TAF8: variants seen among roughly 807,000 people sequenced by gnomAD.
TAF8 encodes the protein transcription initiation factor TFIID subunit 8.
In TAF8, 47 loss-of-function variants were observed where a neutral mutation model predicts 36.5. That is an observed-to-expected ratio of 1.29 (90% CI 1.02 to 1.64). The LOEUF is 1.64. Ranked by LOEUF, TAF8 falls within the 40% of genes most tolerant of loss-of-function variation. TAF8 has a pLI of 0.00. For synonymous variants in TAF8, 175 were observed against 159.5 expected (o/e 1.10, Z -0.73); for missense variants, 420 against 407.6 (o/e 1.03, Z -0.26).
intron 5 of TAF8, among the ~76,000 whole-genome samples, chr6:42,065,978 G>A (rs1261198488): frequency 6.6e-6 from 1 of 152,108 alleles, no homozygotes; most frequent in East Asian, 1.9e-4. Flanking sequence ...TCGGCTCACT[G>A]CAACCTCCGC....
rs562827157 is a variant in TAF8 at position 42,079,993 on chromosome 6, A to G, written c.*2448A>G. ...TGTCAGGAACGGAAGAGGGGACGCT[A>G]GTAAAAAAAAAAAAATTGGATTCCC... On this transcript the variant is annotated 3_prime_UTR_variant, in exon 9 of 9. Coordinates refer to ENST00000372977, the MANE Select transcript of TAF8 (RefSeq NM_138572.3). The G allele has an allele frequency of 2.2e-6, 2 of 909,166 alleles. No individual in the cohort carries two copies. The highest frequency in any genetic ancestry group is 2.2e-4 in the Admixed American group (2 of 9,234). The allele number at this position is 909,166 out of a possible 1,614,324, so 56.3% of individuals were successfully genotyped here. A position where few individuals can be genotyped will look rare whatever the true frequency, so the allele number is the denominator to read the frequency against.
intron 7 of TAF8, among the ~76,000 whole-genome samples, chr6:42,072,131 G>A (rs1765599791): frequency 6.6e-6 from 1 of 152,210 alleles, no homozygotes; most frequent in Non-Finnish European, 1.5e-5. Context: ...TCAAGGGACA[G>A]GGGGAGCGTG....
At chr6:42,055,840 G>T (rs73733086) in intron 3 of TAF8, 112 bp from the exon 4 acceptor site, 9 of 826,926 alleles carry the variant, frequency 1.1e-5, no homozygotes, top group African/African-American at 1.7e-5. Flanking sequence ...CTTTTGCGTG[G>T]CTGCAAGGTC....
intron 6 of TAF8, among the ~76,000 whole-genome samples, chr6:42,067,675 C>T (rs1028788252): frequency 1.3e-5 from 2 of 152,124 alleles, no homozygotes; most frequent in African/African-American, 4.8e-5. Flanking sequence ...TCAAATGAGT[C>T]TCCCACCTCA....
chr6:42,050,716 T>G (rs1764739389), intron 1 of TAF8, 130 bp downstream of exon 1: 5 of 1,224,318 alleles, frequency 4.1e-6, no homozygotes, highest in Non-Finnish European at 3.3e-6. Context: ...GAGGGTGTTT[T>G]CAGGCCGTAG....
intron 6 of TAF8, among the ~76,000 whole-genome samples, chr6:42,068,049 G>A (rs1408452574): frequency 6.6e-6 from 1 of 152,164 alleles, no homozygotes; most frequent in Non-Finnish European, 1.5e-5. Flanking sequence ...TTCCTGCTCT[G>A]GAAGTGAAGC....
rs1765880674 is a variant in TAF8, at chr6:42,080,227, CAG to C, written c.*2683_*2684del. On this transcript the variant is annotated 3_prime_UTR_variant, in exon 9 of 9. Coordinates refer to ENST00000372977, the MANE Select transcript of TAF8 (RefSeq NM_138572.3). ...TGCTCTTGGGAGGTGTTGTCCCAGT[CAG>C]TGTTTCTGCAGCTTCCATTTGTTGT... 2 of 985,544 alleles carry C rather than the reference CAG, an allele frequency of 2.0e-6. No homozygotes were observed. Among genetic ancestry groups the C allele is most frequent in the Middle Eastern group, 5.2e-4 (1 of 1,914 alleles). 61.0% of individuals were successfully genotyped at this position (985,544 alleles called of 1,614,324 possible). A position where few individuals can be genotyped will look rare whatever the true frequency, so the allele number is the denominator to read the frequency against.
At chr6:42,050,968 G>A (rs1764756515) in intron 1 of TAF8, 8 of 1,098,284 alleles carry the variant, frequency 7.3e-6, no homozygotes, top group Non-Finnish European at 8.9e-6. Context: ...TCTTGTTACT[G>A]TTTTCATTTT....
Position 42,055,550 on chromosome 6 carries a change from A to G in TAF8, c.222A>G (p.Arg74=). Residue 74 remains arginine, a synonymous_variant, in exon 3 of 9, where the codon AGA becomes AGG. Transcript: ENST00000372977. The part of the protein sequence containing the change: ...MLQSYISEIG[R]SAKSYCEHTA... ...TCTTAGACATTTCAGAAATTGGGAG[A>G]AGTGCCAAGTCTTACTGTGAGCACA... The G allele has an allele frequency of 6.2e-7, 1 of 1,614,046 alleles. No individual in the cohort carries two copies. Among genetic ancestry groups the G allele is most frequent in the Non-Finnish European group, 8.5e-7 (1 of 1,179,876 alleles).
chr6:42,051,229 C>G (rs1379904269), intron 1 of TAF8, 128 bp from the exon 2 acceptor site: 3 of 1,313,876 alleles, frequency 2.3e-6, no homozygotes, highest in East Asian at 2.5e-5. Flanking sequence ...ATCTGTAAAT[C>G]TAAACATTAA....
rs1765954919 is a variant in TAF8, at chr6:42,082,569, C to T, written c.*5024C>T. ...GGCCAGGTTGGTCTCCAACTCCTGA[C>T]CTCAAGTGATCCGCCCACCTCAGCC... On this transcript the variant is annotated 3_prime_UTR_variant, in exon 9 of 9. Coordinates refer to ENST00000372977, the MANE Select transcript of TAF8 (RefSeq NM_138572.3). The T allele has an allele frequency of 6.6e-6, 1 of 152,246 alleles. No individual in the cohort carries two copies. The highest frequency in any genetic ancestry group is 1.5e-5 in the Non-Finnish European group (1 of 68,086). 9.4% of individuals were successfully genotyped at this position (152,246 alleles called of 1,614,324 possible).
At chr6:42,076,479 T>C (rs1765751191) in intron 7 of TAF8, among the ~76,000 whole-genome samples, 1 of 151,920 alleles carries the variant, frequency 6.6e-6, no homozygotes, top group African/African-American at 2.4e-5. Flanking sequence ...CCCTGCCTCA[T>C]AGGTTGCAGA....
intron 6 of TAF8, among the ~76,000 whole-genome samples, chr6:42,067,603 T>C (rs1582233590): frequency 6.6e-6 from 1 of 152,142 alleles, no homozygotes; most frequent in Non-Finnish European, 1.5e-5. Context: ...AGGATCTCAC[T>C]TTGTCGCCCA....
intron 6 of TAF8, 116 bp downstream of exon 6, chr6:42,066,575 G>T: frequency 8.1e-7 from 1 of 1,231,818 alleles, no homozygotes; most frequent in South Asian, 1.4e-5. Context: ...CTTGGGTACA[G>T]CTTGCCTCTC....
Position 42,050,553 on chromosome 6 carries a change from G to A in TAF8, c.12G>A (p.Ala4=), listed in dbSNP as rs541752669. 33 of 1,537,798 alleles carry A rather than the reference G, an allele frequency of 2.1e-5. No homozygotes were observed. Among genetic ancestry groups the A allele is most frequent in the South Asian group, 4.8e-5 (4 of 83,938 alleles). MAD[A]AATAGAGGSG... ...TACGCCAGAACAAGATGGCCGACGC[G>A]GCGGCCACAGCTGGGGCCGGTGGCT... The change falls in exon 1 of 9, where the codon GCG becomes GCA. Residue 4 remains alanine (A), a synonymous_variant. Transcript: ENST00000372977.
At position 42,081,048 on chromosome 6, in the gene TAF8, TAGAG is replaced by T. The variant is rs199855547; in HGVS notation, c.*3506_*3509del. 0.018 allele frequency: 15,031 copies of T among 849,828 alleles called. 186 individuals are homozygous for T. The highest frequency in any genetic ancestry group is 0.019 in the Non-Finnish European group (13,746 of 706,854). The allele number at this position is 849,828 out of a possible 1,614,324, so 52.6% of individuals were successfully genotyped here. On this transcript the variant is annotated 3_prime_UTR_variant, in exon 9 of 9. Coordinates refer to ENST00000372977, the MANE Select transcript of TAF8 (RefSeq NM_138572.3). The stretch of plus-strand genomic sequence containing the variant: ...TTTTGGAAATTTTCAAATACAAAAT[TAGAG>T]AGCAAAATATATGAACCCCTGTATA...
chr6:42,079,910 T>C lies in TAF8; in HGVS notation c.*2365T>C. The C allele has an allele frequency of 2.0e-5, 20 of 985,230 alleles. No individual in the cohort carries two copies. The highest frequency in any genetic ancestry group is 2.4e-5 in the Non-Finnish European group (20 of 829,920). The allele number at this position is 985,230 out of a possible 1,614,324, so 61.0% of individuals were successfully genotyped here. A position where few individuals can be genotyped will look rare whatever the true frequency, so the allele number is the denominator to read the frequency against. Reference sequence around the variant, plus strand: ...TTGGAAACTTGAAAAACTTGGGGACTTGACAGCAGGCTCCATGTTCTTCTG... The same window carrying C: ...TTGGAAACTTGAAAAACTTGGGGACCTGACAGCAGGCTCCATGTTCTTCTG... On this transcript the variant is annotated 3_prime_UTR_variant, in exon 9 of 9. Transcript: ENST00000372977.
chr6:42,085,970 C>T (rs1053607325), downstream of TAF8, among the ~76,000 whole-genome samples: 1 of 152,170 alleles, frequency 6.6e-6, no homozygotes, highest in African/African-American at 2.4e-5. Context: ...GGTAACAGAG[C>T]GAGACTCCAT....
downstream of TAF8, chr6:42,087,013 T>C: frequency 1.8e-6 from 1 of 559,460 alleles, no homozygotes; most frequent in South Asian, 2.2e-5. Context: ...TCTGAAATAC[T>C]CTCCCTCCTC....
Sources: gnomAD v4.1 joint callset for allele counts (sites outside exome capture counted in the v4.1 genomes callset) on GRCh38, gnomAD v4.1.1 for gene constraint, MANE v1.5 for transcripts, NCBI Gene and HGNC (gene_info 2026-07-23, HGNC 2026-07-21) for gene names.